Variants in CCNE2 observed in about 807,000 individuals in gnomAD.
CCNE2 encodes the protein cyclin E2, also known as G1/S-specific cyclin-E2.
In CCNE2, 18 loss-of-function variants were observed where a neutral mutation model predicts 56.8. The ratio of observed to expected loss-of-function variants is 0.32; its 90% confidence interval spans 0.22 to 0.47. CCNE2 has a LOEUF of 0.47. Among genes scored for constraint, CCNE2 ranks in the 20% least tolerant of loss-of-function variants. CCNE2 has a pLI of 1.00. For missense variants in CCNE2, 371 were observed against 467.1 expected, an observed-to-expected ratio of 0.79 and a Z score of 1.90; for synonymous variants, 139 against 149.2, an observed-to-expected ratio of 0.93 and a Z score of 0.50.
At position 94,881,895 on chromosome 8, in the gene CCNE2, CGTT is replaced by C. The variant is rs901928475; in HGVS notation, c.1102-153_1102-151del. ...GGTCATATTCTGAAAGTTTCTGTAA[CGTT>C]ATATATTTTTTAAACTCTTTATCTA... On this transcript the variant is annotated intron_variant, in intron 11 of 11. Transcript: ENST00000308108. 57 of 970,156 alleles carry C rather than the reference CGTT, an allele frequency of 5.9e-5. No homozygotes were observed. The African/African-American group carries it at 7.8e-4, about 13-fold the overall frequency. The allele number at this position is 970,156 out of a possible 1,614,324, so 60.1% of individuals were successfully genotyped here. A position where few individuals can be genotyped will look rare whatever the true frequency, so the allele number is the denominator to read the frequency against.
intron 10 of CCNE2, 28 bp from the exon 11 acceptor site, chr8:94,882,317 G>C: frequency 6.5e-7 from 1 of 1,549,286 alleles, no homozygotes; most frequent in Non-Finnish European, 8.7e-7. Flanking sequence ...AGTTAGAAAA[G>C]CATGAAGGTT....
intron 6 of CCNE2, 78 bp from the exon 7 acceptor site, chr8:94,888,151 C>T: frequency 9.6e-7 from 1 of 1,043,446 alleles, no homozygotes; most frequent in Non-Finnish European, 1.4e-6. Flanking sequence ...GCATATCAGA[C>T]TTTAAAATAT....
intron 4 of CCNE2, 152 bp downstream of exon 4, chr8:94,893,739 C>A (rs1038852815): frequency 1.2e-5 from 9 of 753,912 alleles, no homozygotes; most frequent in Non-Finnish European, 2.0e-5. Flanking sequence ...ATAGAAACCA[C>A]CCAAAGATAG....
intron 10 of CCNE2, 125 bp from the exon 11 acceptor site, chr8:94,882,414 G>A: frequency 1.4e-6 from 1 of 740,442 alleles, no homozygotes; most frequent in Non-Finnish European, 2.1e-6. Flanking sequence ...TAACCAAGAA[G>A]TTTAGCATGT....
rs1468186975 is a variant in CCNE2 at position 94,881,593 on chromosome 8, A to G, written c.*39T>C. 4 of 1,607,204 alleles carry G rather than the reference A, an allele frequency of 2.5e-6. No individual in the cohort carries two copies. Among genetic ancestry groups the G allele is most frequent in the Admixed American group, 1.7e-5 (1 of 58,492 alleles). On this transcript the variant is annotated 3_prime_UTR_variant, in exon 12 of 12. Coordinates refer to ENST00000308108, the MANE Select transcript of CCNE2 (RefSeq NM_057749.3). Reference sequence around the variant, plus strand: ...AGTTCAGTGATACCAGTTCTACCCAATCTTGGTGAATTCCAACTTGTTTGC... The same window carrying G: ...AGTTCAGTGATACCAGTTCTACCCAGTCTTGGTGAATTCCAACTTGTTTGC...
upstream of CCNE2, chr8:94,896,362 G>A (rs1817572348): frequency 6.7e-6 from 1 of 148,344 alleles, no homozygotes; most frequent in Admixed American, 6.7e-5. Flanking sequence ...GGGAGGAGGG[G>A]GGCCCGACGC....
chr8:94,896,079 C>G (rs1035937201), upstream of CCNE2, among the ~76,000 whole-genome samples: 1 of 152,218 alleles, frequency 6.6e-6, no homozygotes, highest in Non-Finnish European at 1.5e-5. Flanking sequence ...CGCGCCACGC[C>G]GCGCCCTCCC....
Position 94,880,302 on chromosome 8 carries a change from A to G in CCNE2, c.*1330T>C, listed in dbSNP as rs986805351. On this transcript the variant is annotated 3_prime_UTR_variant, in exon 12 of 12. Coordinates refer to ENST00000308108, the MANE Select transcript of CCNE2 (RefSeq NM_057749.3). The stretch of plus-strand genomic sequence containing the variant: ...AAAAATAAACAGTATTAAAAGGTTA[A>G]GTTTATATAATACATATGTACACAA... The G allele has an allele frequency of 6.4e-6, 5 of 782,806 alleles. No individual in the cohort carries two copies. Among genetic ancestry groups the G allele is most frequent in the African/African-American group, 1.8e-5 (1 of 56,690 alleles). 48.5% of individuals were successfully genotyped at this position (782,806 alleles called of 1,614,324 possible).
At chr8:94,882,708 T>C (rs1816871090) in intron 10 of CCNE2, 73 bp downstream of exon 10, 2 of 982,826 alleles carry the variant, frequency 2.0e-6, no homozygotes, top group Admixed American at 4.3e-5. Flanking sequence ...TTTAGCAGAA[T>C]GTTAAAGTTC....
chr8:94,895,720 G>A (rs892314738), upstream of CCNE2: 2 of 152,312 alleles, frequency 1.3e-5, no homozygotes, highest in Non-Finnish European at 1.5e-5. Context: ...CCTCGGGGAG[G>A]AGCAAAGCGT....
chr8:94,887,964 A>G lies in CCNE2; in HGVS notation c.563T>C (p.Ile188Thr). The G allele has an allele frequency of 1.9e-6, 3 of 1,597,298 alleles. No homozygotes were observed. The highest frequency in any genetic ancestry group is 2.3e-5 in the South Asian group (2 of 87,134). Residue 188 changes from isoleucine (I) to threonine (T), a missense_variant, in exon 7 of 12, where the codon ATT (isoleucine) becomes ACT (threonine). Ile to Thr is a moderately conservative substitution (Grantham distance 89). Transcript: ENST00000308108. ...AGCAATGAATAATGAGGTAATTCCA[A>G]TGAGTTGAAGCATATTTTTATTTAT... ...KDINKNMLQL[I>T]GITSLFIASK...
At position 94,880,292 on chromosome 8, in the gene CCNE2, T is replaced by A; in HGVS notation, c.*1340A>T. On this transcript the variant is annotated 3_prime_UTR_variant, in exon 12 of 12. Coordinates refer to ENST00000308108, the MANE Select transcript of CCNE2 (RefSeq NM_057749.3). ...ACAATGGGCTAAAAATAAACAGTAT[T>A]AAAAGGTTAAGTTTATATAATACAT... The A allele has an allele frequency of 1.1e-6, 1 of 898,228 alleles. No individual in the cohort carries two copies. Among genetic ancestry groups the A allele is most frequent in the Non-Finnish European group, 1.8e-6 (1 of 569,896 alleles). 55.6% of individuals were successfully genotyped at this position (898,228 alleles called of 1,614,324 possible).
chr8:94,893,823 A>G, intron 4 of CCNE2, 68 bp downstream of exon 4: 1 of 1,445,202 alleles, frequency 6.9e-7, no homozygotes, highest in Non-Finnish European at 9.7e-7. Flanking sequence ...CAATAAACAC[A>G]TAATTCTATT....
upstream of CCNE2, chr8:94,896,051 C>A (rs115766460): frequency 0.021 from 3,217 of 153,692 alleles, 38 homozygotes; most frequent in African/African-American, 0.032. Context: ...ACCCCGCAGT[C>A]CCCGCGCAGG....
In CCNE2 at chr8:94,881,450, G is replaced by C. The variant is rs2131093064; in HGVS notation, c.*182C>G. 1 of 588,706 alleles carries C rather than the reference G, an allele frequency of 1.7e-6. No individual in the cohort carries two copies. Among genetic ancestry groups the C allele is most frequent in the Non-Finnish European group, 2.9e-6 (1 of 341,922 alleles). The allele number at this position is 588,706 out of a possible 1,614,324, so 36.5% of individuals were successfully genotyped here. ...TGCTGTTTCTTTAACAGCTAACATA[G>C]GAAATAATTAAATGTATTCTTTAGT... On this transcript the variant is annotated 3_prime_UTR_variant, in exon 12 of 12. Transcript: ENST00000308108.
Position 94,888,011 on chromosome 8 carries a change from T to C in CCNE2, c.516A>G (p.Arg172=), listed in dbSNP as rs947924063. Residue 172 remains arginine, a synonymous_variant, in exon 7 of 12, where the codon AGA becomes AGG. Transcript: ENST00000308108. The part of the protein sequence containing the change: ...TFYLAQDFFD[R]FMLTQKDINK... ...TTATATCCTTTTGTGTCAACATAAA[T>C]CTATCAAAAAAGTCTTGTGCAAGAT... 14 of 1,596,466 alleles carry C rather than the reference T, an allele frequency of 8.8e-6. No individual in the cohort carries two copies. The highest frequency in any genetic ancestry group is 5.4e-5 in the African/African-American group (4 of 74,244).
In CCNE2 at chr8:94,882,234, A is replaced by C; in HGVS notation, c.999T>G (p.Asn333Lys). 6.2e-7 allele frequency: 1 copy of C among 1,612,812 alleles called. No individual in the cohort carries two copies. Among genetic ancestry groups the C allele is most frequent in the Non-Finnish European group, 8.5e-7 (1 of 1,179,304 alleles). The stretch of plus-strand genomic sequence containing the variant: ...TCACTGGACTAGTACTTTTTACTAC[A>C]TTGACAAAAGGTACCATCCAATCTA... Reference protein sequence around the residue: ...ECVDWMVPFVNVVKSTSPVKL... With the variant: ...ECVDWMVPFVKVVKSTSPVKL... Residue 333 changes from asparagine to lysine, a missense_variant, in exon 11 of 12, where the codon AAT becomes AAG. By Grantham distance (94) the Asn-to-Lys change is moderately conservative (BLOSUM62 0). Transcript: ENST00000308108.
intron 7 of CCNE2, among the ~76,000 whole-genome samples, chr8:94,886,905 T>C (rs1247442700): frequency 6.6e-6 from 1 of 152,202 alleles, no homozygotes; most frequent in Non-Finnish European, 1.5e-5. Context: ...GATTTCAGTC[T>C]AGAAAGTTGT....
chr8:94,896,506 T>TAC, upstream of CCNE2: 1 of 152,164 alleles, frequency 6.6e-6, no homozygotes, highest in Non-Finnish European at 1.5e-5. Flanking sequence ...GCAAACAGGT[T>TAC]TTGCGGCGGG....
Sources: gnomAD v4.1 joint callset for allele counts (sites outside exome capture counted in the v4.1 genomes callset) on GRCh38, gnomAD v4.1.1 for gene constraint, MANE v1.5 for transcripts, NCBI Gene and HGNC (gene_info 2026-07-23, HGNC 2026-07-21) for gene names.